The following CSE1L variants were observed in gnomAD, a reference collection of about 807,000 sequenced individuals.
CSE1L encodes chromosome segregation 1 like.
In CSE1L, 24 loss-of-function variants were observed where a neutral mutation model predicts 120.4. The observed-to-expected ratio is 0.20, with a 90% confidence interval of 0.14 to 0.28. CSE1L has a LOEUF of 0.28. Among genes scored for constraint, CSE1L ranks in the 10% least tolerant of loss-of-function variants. The pLI, the probability that CSE1L is intolerant of heterozygous loss-of-function variation, is 1.00. For missense variants in CSE1L, 830 were observed against 1,145.2 expected (o/e 0.72, Z 3.97); for synonymous variants, 402 against 398.3 (o/e 1.01, Z -0.11).
chr20:49,088,046 A>G lies in CSE1L; in HGVS notation c.1761A>G (p.Ile587Met). 1 of 1,612,630 alleles carries G rather than the reference A, an allele frequency of 6.2e-7. No homozygotes were observed. The highest frequency in any genetic ancestry group is 8.5e-7 in the Non-Finnish European group (1 of 1,179,386). Residue 587 changes from isoleucine (I) to methionine (M), a missense_variant, in exon 17 of 25, where the codon ATA becomes ATG. Ile to Met is a conservative substitution (Grantham distance 10, BLOSUM62 1). This residue lies in a region of CSE1L where 168 missense variants were observed against 267.9 expected (regional missense o/e 0.63). Coordinates refer to ENST00000262982, the MANE Select transcript of CSE1L (RefSeq NM_001316.4). ...MRSFSLLQEA[I>M]IPYIPTLITQ... The stretch of plus-strand genomic sequence containing the variant: ...GTTTTTCTCTCCTACAAGAAGCCAT[A>G]ATCCCCTACATCCCTACTCTCATCA...
chr20:49,079,343 C>T (rs998131037), intron 14 of CSE1L, among the ~76,000 whole-genome samples: 2 of 152,132 alleles, frequency 1.3e-5, no homozygotes, highest in Non-Finnish European at 2.9e-5. Flanking sequence ...TCTCCTGCCT[C>T]GGCCTCCCTA....
At chr20:49,051,399 C>T (rs1037790907) in intron 1 of CSE1L, among the ~76,000 whole-genome samples, 2 of 152,128 alleles carry the variant, frequency 1.3e-5, no homozygotes, top group African/African-American at 2.4e-5. Context: ...AAAACTCAGC[C>T]GGGCGTGGTG....
chr20:49,087,016 G>T (rs946949142), intron 16 of CSE1L, among the ~76,000 whole-genome samples: 1 of 151,958 alleles, frequency 6.6e-6, no homozygotes, highest in African/African-American at 2.4e-5. Context: ...ATAGCTTTCT[G>T]TCCTTTATGC....
At chr20:49,065,718 C>T (rs1366559817) in intron 3 of CSE1L, among the ~76,000 whole-genome samples, 3 of 149,748 alleles carry the variant, frequency 2.0e-5, no homozygotes, top group East Asian at 2.0e-4. Context: ...TTCAGCCTCC[C>T]GAGTAACTGG....
At chr20:49,095,927 C>T (rs1168974518) in intron 24 of CSE1L, among the ~76,000 whole-genome samples, 2 of 152,010 alleles carry the variant, frequency 1.3e-5, no homozygotes, top group African/African-American at 2.4e-5. Context: ...TGTATTATTA[C>T]GGAGACTTTC....
At chr20:49,065,473 C>T (rs2091885074) in intron 3 of CSE1L, among the ~76,000 whole-genome samples, 1 of 150,816 alleles carries the variant, frequency 6.6e-6, no homozygotes, top group African/African-American at 2.4e-5. Flanking sequence ...CAGGTGCCCA[C>T]CACCATGTTC....
At chr20:49,053,567 T>G (rs1188916745) in intron 1 of CSE1L, among the ~76,000 whole-genome samples, 3 of 151,912 alleles carry the variant, frequency 2.0e-5, no homozygotes, top group African/African-American at 7.2e-5. Context: ...GCCAGGCTGG[T>G]CTCAAACTCT....
rs76257536 is a variant in CSE1L, at chr20:49,063,707, T to C, written c.228+363T>C. On this transcript the variant is annotated intron_variant, in intron 3 of 24. Transcript: ENST00000262982. ...AGACTTGGTCTTAATCTCCATTATG[T>C]TTGGAATTTATGCTTTACTCACCGC... Among the ~76,000 whole-genome samples the C allele has an allele frequency of 2.0e-5, 3 of 152,362 alleles. No homozygotes were observed. In the East Asian group the frequency reaches 5.8e-4, roughly 29 times the overall value.
At chr20:49,069,014 A>C (rs1013820675) in intron 7 of CSE1L, among the ~76,000 whole-genome samples, 192 bp downstream of exon 7, 1 of 152,122 alleles carries the variant, frequency 6.6e-6, no homozygotes, top group Non-Finnish European at 1.5e-5. Flanking sequence ...TCATGGAAAA[A>C]AGCAGTATTC....
Position 49,072,363 on chromosome 20 carries a change from C to T in CSE1L, c.846C>T (p.Tyr282=), listed in dbSNP as rs924211895. ...ATGCCGCACTCTATGCACAAAAGTACGATGAAGAATTCCAGCGATACCTGC... is the reference window on the plus strand; with the variant it reads ...ATGCCGCACTCTATGCACAAAAGTATGATGAAGAATTCCAGCGATACCTGC... ...CDNAALYAQK[Y]DEEFQRYLPR... Residue 282 remains tyrosine, a synonymous_variant, in exon 9 of 25, where the codon TAC becomes TAT. Transcript: ENST00000262982. 1.1e-5 allele frequency: 17 copies of T among 1,613,998 alleles called. No homozygotes were observed. Among genetic ancestry groups the T allele is most frequent in the African/African-American group, 9.3e-5 (7 of 74,904 alleles).
At chr20:49,096,046 A>G in intron 24 of CSE1L, 1 of 484,386 alleles carries the variant, frequency 2.1e-6, no homozygotes, top group Non-Finnish European at 3.8e-6. Flanking sequence ...GTATTGAGCA[A>G]GTCTTAGACA....
At chr20:49,054,961 A>G (rs1307055432) in intron 1 of CSE1L, among the ~76,000 whole-genome samples, 1 of 152,042 alleles carries the variant, frequency 6.6e-6, no homozygotes, top group East Asian at 1.9e-4. Flanking sequence ...GCTCTGGGAA[A>G]CTCTTGGATG....
intron 14 of CSE1L, among the ~76,000 whole-genome samples, chr20:49,080,935 C>T (rs1001414484): frequency 6.6e-6 from 1 of 152,058 alleles, no homozygotes; most frequent in South Asian, 2.1e-4. Context: ...TGCCACACCA[C>T]CTGGCTAATT....
At position 49,096,736 on chromosome 20, in the gene CSE1L, C is replaced by T. The variant is rs2092144414; in HGVS notation, c.*298C>T. 9.4e-6 allele frequency: 3 copies of T among 319,704 alleles called. No individual in the cohort carries two copies. In the South Asian group the frequency reaches 2.0e-4, roughly 22 times the overall value. The allele number at this position is 319,704 out of a possible 1,614,324, so 19.8% of individuals were successfully genotyped here. On this transcript the variant is annotated 3_prime_UTR_variant, in exon 25 of 25. Transcript: ENST00000262982. ...CGGTTTGGATAATCTTAAATTTTGACGGACACTGTGGAGACTTTCTGTTAC... is the reference window on the plus strand; with the variant it reads ...CGGTTTGGATAATCTTAAATTTTGATGGACACTGTGGAGACTTTCTGTTAC...
rs1169172070 is a variant in CSE1L at position 49,063,124 on chromosome 20, T to TA, written c.86-78_86-77insA. On this transcript the variant is annotated intron_variant, in intron 2 of 24. Transcript: ENST00000262982. Reference sequence around the variant, plus strand: ...AATCTTTTCTCTTTTTTTGATTTTTTTTTATATATATATATTTGATATATA... The same window carrying TA: ...AATCTTTTCTCTTTTTTTGATTTTTTATTTATATATATATATTTGATATATA... 5.3e-3 allele frequency: 3,904 copies of TA among 737,256 alleles called. 19 individuals are homozygous for TA. The highest frequency in any genetic ancestry group is 6.6e-3 in the Non-Finnish European group (3,486 of 531,980). The allele number at this position is 737,256 out of a possible 1,614,324, so 45.7% of individuals were successfully genotyped here. A position where few individuals can be genotyped will look rare whatever the true frequency, so the allele number is the denominator to read the frequency against.
intron 1 of CSE1L, among the ~76,000 whole-genome samples, chr20:49,054,792 A>G (rs909082014): frequency 2.0e-5 from 3 of 152,212 alleles, no homozygotes; most frequent in Non-Finnish European, 4.4e-5. Flanking sequence ...TCAGCCAAGT[A>G]TGGAGGAACC....
At chr20:49,065,313 A>AATTTTTTTTTTT (rs775165525) in intron 3 of CSE1L, among the ~76,000 whole-genome samples, 5 of 52,080 alleles carry the variant, frequency 9.6e-5, no homozygotes, top group Non-Finnish European at 1.8e-4. Flanking sequence ...TGAAAAAAAA[A>AATTTTTTTTTTT]TTTTTTTTTT....
At chr20:49,058,386 A>T in intron 1 of CSE1L, 67 bp from the exon 2 acceptor site, 1 of 1,171,224 alleles carries the variant, frequency 8.5e-7, no homozygotes, top group East Asian at 2.4e-5. Flanking sequence ...ATATAAACGG[A>T]TTTCTTTAAA....
intron 15 of CSE1L, 152 bp downstream of exon 15, chr20:49,084,314 G>T: frequency 1.3e-6 from 1 of 764,180 alleles, no homozygotes; most frequent in Non-Finnish European, 2.0e-6. Context: ...AAGCATTTGA[G>T]GCTGCTTACT....
Sources: gnomAD v4.1 joint callset for allele counts (sites outside exome capture counted in the v4.1 genomes callset) on GRCh38, gnomAD v4.1.1 for gene constraint, gnomAD v4.1.1 regional missense constraint, MANE v1.5 for transcripts, NCBI Gene and HGNC (gene_info 2026-07-23, HGNC 2026-07-21) for gene names.